Variants in GPALPP1 observed in about 807,000 individuals in gnomAD.
GPALPP1 encodes the protein GPALPP motifs-containing protein 1.
In GPALPP1, 30 loss-of-function variants were observed where a neutral mutation model predicts 38.9. That is an observed-to-expected ratio of 0.77 (90% CI 0.58 to 1.05). GPALPP1 has a LOEUF of 1.05. Among genes scored for constraint, GPALPP1 ranks in the 50% least tolerant of loss-of-function variants. The probability of loss-of-function intolerance (pLI) is 0.00; values close to 1 mark genes in which losing one functional copy is unlikely to be tolerated. For synonymous variants in GPALPP1, 120 were observed against 139.2 expected (o/e 0.86, Z 0.97); for missense variants, 384 against 408.8 (o/e 0.94, Z 0.52).
intron 1 of GPALPP1, among the ~76,000 whole-genome samples, chr13:44,999,147 G>A (rs1873491367): frequency 6.6e-6 from 1 of 152,156 alleles, no homozygotes; most frequent in Admixed American, 6.5e-5. Context: ...TTGGTTTTGG[G>A]GGAGTAACAT....
intron 1 of GPALPP1, among the ~76,000 whole-genome samples, chr13:44,995,727 A>G (rs17334045): frequency 0.14 from 21,309 of 152,070 alleles, 2,377 homozygotes; most frequent in African/African-American, 0.29. Flanking sequence ...CTTAAACTTG[A>G]ACATGCACAT....
At position 45,006,153 on chromosome 13, in the gene GPALPP1, GA is replaced by G. The variant is rs774770970; in HGVS notation, c.222-42del. 1.0e-5 allele frequency: 11 copies of G among 1,061,230 alleles called. No homozygotes were observed. In the Admixed American group the frequency reaches 1.4e-4, roughly 14 times the overall value. 65.7% of individuals were successfully genotyped at this position (1,061,230 alleles called of 1,614,324 possible). A position where few individuals can be genotyped will look rare whatever the true frequency, so the allele number is the denominator to read the frequency against. On this transcript the variant is annotated intron_variant, in intron 2 of 7. Coordinates refer to ENST00000379151, the MANE Select transcript of GPALPP1 (RefSeq NM_018559.5). ...AAAAAAAATTAAAATGTGCTTTTGTGAAAAAAATTTTGACATATATGCATAA... is the reference window on the plus strand; with the variant it reads ...AAAAAAAATTAAAATGTGCTTTTGTGAAAAAATTTTGACATATATGCATAA...
At chr13:45,011,904 G>A (rs921800164) in intron 4 of GPALPP1, among the ~76,000 whole-genome samples, 19 of 152,150 alleles carry the variant, frequency 1.2e-4, no homozygotes, top group African/African-American at 4.3e-4. Context: ...AGATGACATC[G>A]TCAGGCTAGG....
intron 6 of GPALPP1, among the ~76,000 whole-genome samples, chr13:45,019,653 G>GT (rs35749146): frequency 1.7e-4 from 13 of 75,906 alleles, no homozygotes; most frequent in South Asian, 3.7e-4. Flanking sequence ...CCTTTTCTTT[G>GT]TTTTTTTTTC....
rs542104796 is a variant in GPALPP1 at position 45,013,915 on chromosome 13, T to A, written c.409-1037T>A. Among the ~76,000 whole-genome samples, 3 of 152,310 alleles carry A rather than the reference T, an allele frequency of 2.0e-5. No individual in the cohort carries two copies. The South Asian group carries it at 6.2e-4, about 32-fold the overall frequency. On this transcript the variant is annotated intron_variant, in intron 4 of 7. Coordinates refer to ENST00000379151, the MANE Select transcript of GPALPP1 (RefSeq NM_018559.5). ...TAACTCATCCAGGACACCAAAATAATTTAATACCCATAGATAGGAATTGGG... is the reference window on the plus strand; with the variant it reads ...TAACTCATCCAGGACACCAAAATAAATTAATACCCATAGATAGGAATTGGG...
chr13:44,996,810 C>CTTTTTTTTT (rs1566072232), intron 1 of GPALPP1, among the ~76,000 whole-genome samples: 1 of 86,412 alleles, frequency 1.2e-5, no homozygotes, highest in Non-Finnish European at 2.0e-5. Flanking sequence ...TTTTTTTTTT[C>CTTTTTTTTT]CAGTTTTTAA....
At chr13:45,009,789 A>G (rs1401061912) in intron 4 of GPALPP1, among the ~76,000 whole-genome samples, 1 of 152,242 alleles carries the variant, frequency 6.6e-6, no homozygotes, top group African/African-American at 2.4e-5. Flanking sequence ...GAACACCCAC[A>G]GTGTGGCAGG....
At chr13:44,993,778 C>T (rs988977566) in intron 1 of GPALPP1, among the ~76,000 whole-genome samples, 2 of 150,250 alleles carry the variant, frequency 1.3e-5, no homozygotes, top group Admixed American at 1.3e-4. Context: ...GTCTGTTTCT[C>T]CACATCCTCC....
intron 4 of GPALPP1, among the ~76,000 whole-genome samples, chr13:45,010,455 A>G (rs1874389760): frequency 6.6e-6 from 1 of 152,124 alleles, no homozygotes; most frequent in Non-Finnish European, 1.5e-5. Context: ...TTTCCGCTAG[A>G]ATGTGGCTCC....
chr13:45,004,670 CAG>C (rs764250867), intron 2 of GPALPP1, among the ~76,000 whole-genome samples: 9 of 152,030 alleles, frequency 5.9e-5, no homozygotes, highest in East Asian at 3.8e-4. Context: ...TTTCCTGAGA[CAG>C]GGGCTCACTC....
chr13:44,997,255 A>C (rs1301387160), intron 1 of GPALPP1, among the ~76,000 whole-genome samples: 1 of 152,158 alleles, frequency 6.6e-6, no homozygotes, highest in Non-Finnish European at 1.5e-5. Flanking sequence ...GAGATCTGAC[A>C]AGCATGACCA....
At position 45,028,020 on chromosome 13, in the gene GPALPP1, G is replaced by A; in HGVS notation, c.*17G>A. 1.5e-6 allele frequency: 2 copies of A among 1,333,732 alleles called. No homozygotes were observed. The highest frequency in any genetic ancestry group is 2.2e-6 in the Non-Finnish European group (2 of 928,228). 82.6% of individuals were successfully genotyped at this position (1,333,732 alleles called of 1,614,324 possible). ...TTTTTATAAGTAAGTATATTTCAGT[G>A]AGGTATATTTTAATACTGATCAATG... On this transcript the variant is annotated 3_prime_UTR_variant, in exon 8 of 8. Transcript: ENST00000379151.
In GPALPP1 at chr13:45,014,971, A is replaced by G. The variant is rs771477850; in HGVS notation, c.428A>G (p.Asp143Gly). ...TAAAAGGAAACAGACAGCAGTGAAGATGAGGATATTATTGGACCAATGCCT... is the reference window on the plus strand; with the variant it reads ...TAAAAGGAAACAGACAGCAGTGAAGGTGAGGATATTATTGGACCAATGCCT... Reference protein sequence around the residue: ...PGQQETDSSEDEDIIGPMPAK... With the variant: ...PGQQETDSSEGEDIIGPMPAK... The change falls in exon 5 of 8, where the codon GAT (aspartate) becomes GGT (glycine). Residue 143 changes from aspartate to glycine, a missense_variant. Coordinates refer to ENST00000379151, the MANE Select transcript of GPALPP1 (RefSeq NM_018559.5). The G allele has an allele frequency of 3.1e-6, 5 of 1,604,384 alleles. No individual in the cohort carries two copies.
chr13:44,997,628 A>C (rs1873386071), intron 1 of GPALPP1, among the ~76,000 whole-genome samples: 1 of 151,736 alleles, frequency 6.6e-6, no homozygotes, highest in South Asian at 2.1e-4. Context: ...CACTCAAGTT[A>C]CTCCCATTTC....
intron 4 of GPALPP1, among the ~76,000 whole-genome samples, chr13:45,014,027 G>A (rs760996060): frequency 2.6e-5 from 4 of 152,094 alleles, no homozygotes; most frequent in Non-Finnish European, 5.9e-5. Context: ...GCCCCTGAAC[G>A]TAAGTGATAC....
intron 1 of GPALPP1, among the ~76,000 whole-genome samples, chr13:45,003,482 T>C (rs1253631632): frequency 1.3e-5 from 2 of 152,178 alleles, no homozygotes; most frequent in African/African-American, 2.4e-5. Flanking sequence ...AAAGGGCCCA[T>C]GAATCTTTTA....
In GPALPP1 at chr13:44,996,784, CTTTTTTTTTT is replaced by C. The variant is rs770919969; in HGVS notation, c.88+7058_88+7067del. Among the ~76,000 whole-genome samples the C allele has an allele frequency of 9.9e-5, 8 of 80,408 alleles. No homozygotes were observed. The South Asian group carries it at 2.2e-3, about 22-fold the overall frequency. The allele number at this position is 80,408 out of a possible 152,430, so 52.8% of individuals were successfully genotyped here. On this transcript the variant is annotated intron_variant, in intron 1 of 7. Transcript: ENST00000379151. Reference sequence around the variant, plus strand: ...AGGCGTGAGCCACTGTGCCCAGCCTCTTTTTTTTTTTTTTTTTTTTTTTTTCCAGTTTTTA... The same window carrying C: ...AGGCGTGAGCCACTGTGCCCAGCCTCTTTTTTTTTTTTTTTCCAGTTTTTA...
intron 1 of GPALPP1, among the ~76,000 whole-genome samples, chr13:44,999,205 T>C (rs567649495): frequency 7.2e-5 from 11 of 152,272 alleles, no homozygotes; most frequent in Non-Finnish European, 1.3e-4. Context: ...TCAGAATCAG[T>C]TGTGGATGTT....
chr13:45,034,987 G>T (rs1467139603), downstream of GPALPP1: 318 of 126,800 alleles, frequency 2.5e-3, no homozygotes, highest in African/African-American at 8.8e-3. Flanking sequence ...GACGGAGTCT[G>T]GCTCTGTCTC....
Sources: gnomAD v4.1 joint callset for allele counts (sites outside exome capture counted in the v4.1 genomes callset) on GRCh38, gnomAD v4.1.1 for gene constraint, MANE v1.5 for transcripts, NCBI Gene and HGNC (gene_info 2026-07-23, HGNC 2026-07-21) for gene names.